Variants in GRID2 observed in about 807,000 individuals in gnomAD.
GRID2 encodes the protein glutamate receptor ionotropic, delta-2.
A neutral mutation model predicts 114.8 loss-of-function variants in GRID2; 33 were observed. The ratio of observed to expected loss-of-function variants is 0.29; its 90% CI spans 0.22 to 0.38. The LOEUF is 0.38. Ranked by LOEUF, GRID2 falls within the 10% of genes least tolerant of loss-of-function variation. The pLI is 1.00. For missense variants in GRID2, 1,184 were observed against 1,257.7 expected (o/e 0.94, Z 0.89); for synonymous variants, 505 against 449.9 (o/e 1.12, Z -1.55).
intron 14 of GRID2, among the ~76,000 whole-genome samples, chr4:93,649,136 A>G (rs555336222): frequency 6.6e-6 from 1 of 152,054 alleles, no homozygotes; most frequent in African/African-American, 2.4e-5. Flanking sequence ...AACCAAAATC[A>G]TTTTTTAACG....
chr4:92,661,834 TA>T (rs1732535957), intron 2 of GRID2, among the ~76,000 whole-genome samples: 1 of 151,046 alleles, frequency 6.6e-6, no homozygotes, highest in South Asian at 2.1e-4. Flanking sequence ...GCATTTTAAA[TA>T]GAGTTATCTT....
At chr4:92,664,986 CTT>C (rs201290131) in intron 2 of GRID2, among the ~76,000 whole-genome samples, 35 of 127,520 alleles carry the variant, frequency 2.7e-4, no homozygotes, top group East Asian at 4.6e-4. Flanking sequence ...CTCTGCCATT[CTT>C]TTTTTTTTTT....
At chr4:92,437,144 G>T (rs1157833035) in intron 1 of GRID2, among the ~76,000 whole-genome samples, 1 of 152,098 alleles carries the variant, frequency 6.6e-6, no homozygotes, top group African/African-American at 2.4e-5. Context: ...CAATTAAAGA[G>T]AAATTTTACT....
At chr4:92,529,882 GA>G (rs934515228) in intron 1 of GRID2, among the ~76,000 whole-genome samples, 1 of 152,066 alleles carries the variant, frequency 6.6e-6, no homozygotes, top group African/African-American at 2.4e-5. Flanking sequence ...TAGAGAAGCG[GA>G]GAATAGTAAA....
intron 2 of GRID2, among the ~76,000 whole-genome samples, chr4:92,680,029 G>A (rs1733571666): frequency 3.3e-5 from 5 of 151,934 alleles, no homozygotes. Flanking sequence ...CCTGGCTTAG[G>A]GGAAAAGGGT....
intron 2 of GRID2, among the ~76,000 whole-genome samples, chr4:92,836,847 T>C (rs1742495975): frequency 6.6e-6 from 1 of 152,154 alleles, no homozygotes; most frequent in Non-Finnish European, 1.5e-5. Context: ...AAATATAATG[T>C]AATAATCTAA....
chr4:92,939,585 C>G (rs1342031147), intron 2 of GRID2, among the ~76,000 whole-genome samples: 1 of 147,188 alleles, frequency 6.8e-6, no homozygotes, highest in Non-Finnish European at 1.5e-5. Flanking sequence ...TCCCATTTGT[C>G]AATTTTGGCT....
chr4:92,618,282 ATGTT>A (rs2149235902), intron 2 of GRID2, among the ~76,000 whole-genome samples: 1 of 151,674 alleles, frequency 6.6e-6, no homozygotes, highest in African/African-American at 2.4e-5. Flanking sequence ...GCCTTAATGT[ATGTT>A]CTGGATGCCT....
chr4:92,673,400 G>A (rs1023239324), intron 2 of GRID2, among the ~76,000 whole-genome samples: 1 of 152,040 alleles, frequency 6.6e-6, no homozygotes, highest in African/African-American at 2.4e-5. Context: ...TAAATATTGA[G>A]TTGTTGTTTA....
intron 13 of GRID2, among the ~76,000 whole-genome samples, chr4:93,589,747 A>C (rs1192766636): frequency 6.6e-6 from 1 of 152,098 alleles, no homozygotes; most frequent in South Asian, 2.1e-4. Flanking sequence ...TTGCCATTCT[A>C]ACTGGTGTGA....
chr4:93,160,087 A>G (rs1248469326), intron 4 of GRID2, among the ~76,000 whole-genome samples: 1 of 151,886 alleles, frequency 6.6e-6, no homozygotes, highest in Non-Finnish European at 1.5e-5. Context: ...TCTTTGGCAC[A>G]TATTTTCACA....
intron 1 of GRID2, among the ~76,000 whole-genome samples, chr4:92,449,430 TTATTG>T (rs1720769248): frequency 6.6e-6 from 1 of 151,758 alleles, no homozygotes; most frequent in African/African-American, 2.4e-5. Flanking sequence ...GAAATACAAA[TTATTG>T]TATTAGTGGA....
chr4:93,721,276 A>C (rs1446384095), intron 14 of GRID2, among the ~76,000 whole-genome samples: 1 of 152,214 alleles, frequency 6.6e-6, no homozygotes, highest in East Asian at 1.9e-4. Flanking sequence ...AAAGGGATCG[A>C]ATATTAAAAA....
chr4:93,277,767 AG>A (rs747400740), intron 8 of GRID2, among the ~76,000 whole-genome samples: 7 of 151,918 alleles, frequency 4.6e-5, no homozygotes, highest in Admixed American at 6.6e-5. Context: ...TCATTCCTAA[AG>A]TATCTGCCCC....
chr4:93,361,528 A>G (rs1196055485), intron 8 of GRID2, among the ~76,000 whole-genome samples: 1 of 151,002 alleles, frequency 6.6e-6, no homozygotes, highest in Non-Finnish European at 1.5e-5. Flanking sequence ...ATTCTATTAG[A>G]GCCTATCTCT....
chr4:92,965,450 TAAAAAAAAAAAAAAAAAA>T (rs869285420), intron 2 of GRID2, among the ~76,000 whole-genome samples: 2,929 of 85,740 alleles, frequency 0.034, 77 homozygotes, highest in Non-Finnish European at 0.049. Flanking sequence ...ATTCAATTTG[TAAAAAAAAAAAAAAAAAA>T]AAAAAAAAAA....
At chr4:92,861,914 T>A (rs17019948) in intron 2 of GRID2, among the ~76,000 whole-genome samples, 3,849 of 152,168 alleles carry the variant, frequency 0.025, 77 homozygotes, top group Non-Finnish European at 0.039. Flanking sequence ...TCACTTTATA[T>A]AATTATCTCT....
intron 14 of GRID2, among the ~76,000 whole-genome samples, chr4:93,670,423 GACCAAA>G (rs1462838411): frequency 6.6e-6 from 1 of 152,032 alleles, no homozygotes; most frequent in Non-Finnish European, 1.5e-5. Context: ...TAGCAACCAT[GACCAAA>G]TAGAAATCAT....
intron 2 of GRID2, among the ~76,000 whole-genome samples, chr4:92,752,841 A>G (rs766876003): frequency 7.2e-5 from 11 of 152,216 alleles, no homozygotes; most frequent in Non-Finnish European, 1.3e-4. Flanking sequence ...GTGTACATAT[A>G]TTGTTGCAGA....
Sources: gnomAD v4.1 joint callset for allele counts (sites outside exome capture counted in the v4.1 genomes callset) on GRCh38, gnomAD v4.1.1 for gene constraint, MANE v1.5 for transcripts, NCBI Gene and HGNC (gene_info 2026-07-23, HGNC 2026-07-21) for gene names.